Variants in MEI4 observed in about 807,000 individuals in gnomAD.
MEI4 encodes the protein meiotic double-stranded break formation protein 4.
Under a neutral mutation model 31.4 loss-of-function variants are expected in MEI4, and 27 were observed. The observed-to-expected ratio is 0.86, with a 90% confidence interval of 0.63 to 1.19. MEI4 has a LOEUF of 1.19. Ranked by LOEUF, MEI4 falls within the 50% of genes most tolerant of loss-of-function variation. The pLI is 0.00. For synonymous variants in MEI4, 122 were observed against 145.4 expected (o/e 0.84, Z 1.16); for missense variants, 329 against 398.9 (o/e 0.82, Z 1.49).
At chr6:77,871,521 A>G (rs945900550) in intron 4 of MEI4, among the ~76,000 whole-genome samples, 1 of 152,084 alleles carries the variant, frequency 6.6e-6, no homozygotes, top group Admixed American at 6.6e-5. Flanking sequence ...TACAGATGGG[A>G]ATAACAGACA....
At chr6:77,668,135 GATTTTGACAA>G (rs1174879650) in intron 1 of MEI4, among the ~76,000 whole-genome samples, 2 of 152,104 alleles carry the variant, frequency 1.3e-5, no homozygotes, top group Non-Finnish European at 2.9e-5. Flanking sequence ...ACTGCAGAGG[GATTTTGACAA>G]ATCAAGGACT....
chr6:77,747,301 G>T (rs1767637320), intron 2 of MEI4, among the ~76,000 whole-genome samples: 1 of 152,012 alleles, frequency 6.6e-6, no homozygotes, highest in Non-Finnish European at 1.5e-5. Flanking sequence ...AACAGAGCAA[G>T]ACTCAAGACT....
intron 4 of MEI4, among the ~76,000 whole-genome samples, chr6:77,849,648 T>C (rs12214317): frequency 0.29 from 44,697 of 152,106 alleles, 7,142 homozygotes; most frequent in South Asian, 0.38. Flanking sequence ...AAATAATTTT[T>C]TGAAGAAAAA....
At chr6:77,699,668 T>A (rs1294479769) in intron 2 of MEI4, among the ~76,000 whole-genome samples, 1 of 152,140 alleles carries the variant, frequency 6.6e-6, no homozygotes, top group Non-Finnish European at 1.5e-5. Flanking sequence ...CTTTTTGGAG[T>A]TTCCAGGTTT....
chr6:77,821,799 CAA>C (rs34905460), intron 3 of MEI4, among the ~76,000 whole-genome samples: 22,014 of 92,834 alleles, frequency 0.24, 2,471 homozygotes, highest in African/African-American at 0.43. Flanking sequence ...GCCATCTCTC[CAA>C]AAAAAAAAAA....
intron 2 of MEI4, among the ~76,000 whole-genome samples, chr6:77,742,779 TC>T (rs1361209848): frequency 3.9e-5 from 6 of 151,924 alleles, no homozygotes; most frequent in Non-Finnish European, 5.9e-5. Flanking sequence ...CTTTAAACCA[TC>T]TTGAATTAAT....
At chr6:77,831,789 T>C (rs1354991335) in intron 4 of MEI4, among the ~76,000 whole-genome samples, 1 of 151,756 alleles carries the variant, frequency 6.6e-6, no homozygotes, top group Non-Finnish European at 1.5e-5. Flanking sequence ...AGTACGAAAA[T>C]ACGGTTAGAT....
At chr6:77,823,130 C>T (rs1249056620) in intron 3 of MEI4, among the ~76,000 whole-genome samples, 1 of 151,942 alleles carries the variant, frequency 6.6e-6, no homozygotes, top group South Asian at 2.1e-4. Flanking sequence ...TAATCTCCTC[C>T]CTTACAGGGA....
chr6:77,663,760 G>T (rs947627296), intron 1 of MEI4, among the ~76,000 whole-genome samples: 1 of 152,100 alleles, frequency 6.6e-6, no homozygotes, highest in Non-Finnish European at 1.5e-5. Flanking sequence ...AGAGTTACCC[G>T]AAGCTCGGGG....
At chr6:77,745,625 A>C (rs1767576265) in intron 2 of MEI4, among the ~76,000 whole-genome samples, 1 of 152,200 alleles carries the variant, frequency 6.6e-6, no homozygotes, top group South Asian at 2.1e-4. Context: ...CAGACATAAT[A>C]GACATCTACA....
chr6:77,798,874 T>G (rs1582157188), intron 3 of MEI4, among the ~76,000 whole-genome samples: 1 of 151,934 alleles, frequency 6.6e-6, no homozygotes, highest in East Asian at 1.9e-4. Context: ...TGCCAAATTT[T>G]CTTAATCCAG....
In MEI4 at chr6:77,736,767, C is replaced by T. The variant is rs543422473; in HGVS notation, c.233-24363C>T. Among the ~76,000 whole-genome samples the T allele has an allele frequency of 1.5e-4, 23 of 152,164 alleles. 1 individual carries two copies. The highest frequency in any genetic ancestry group is 5.3e-4 in the African/African-American group (22 of 41,440). On this transcript the variant is annotated intron_variant, in intron 2 of 4. Coordinates refer to ENST00000684080, the MANE Select transcript of MEI4 (RefSeq NM_001322247.2). ...CAGTCTAGTGAGGGTAAGATTACAT[C>T]ATTAATTGTACCCAATGAGACCCTG...
chr6:77,883,113 C>G (rs890725207), intron 4 of MEI4, among the ~76,000 whole-genome samples: 15 of 151,876 alleles, frequency 9.9e-5, no homozygotes, highest in African/African-American at 3.6e-4. Context: ...TCTCAGAATA[C>G]ATGGTATTAG....
At chr6:77,895,953 C>T (rs1210280508) in intron 4 of MEI4, among the ~76,000 whole-genome samples, 1 of 152,100 alleles carries the variant, frequency 6.6e-6, no homozygotes, top group Non-Finnish European at 1.5e-5. Context: ...TTGTTAAGAA[C>T]TGCTGTGATG....
At chr6:77,803,541 A>G (rs1371324667) in intron 3 of MEI4, among the ~76,000 whole-genome samples, 2 of 152,188 alleles carry the variant, frequency 1.3e-5, no homozygotes, top group Non-Finnish European at 2.9e-5. Context: ...GGTGGAGAAG[A>G]GGCACTCTGA....
chr6:77,873,033 A>G (rs529980217), intron 4 of MEI4, among the ~76,000 whole-genome samples: 4 of 151,916 alleles, frequency 2.6e-5, no homozygotes, highest in African/African-American at 7.3e-5. Context: ...TAGTGCTGCA[A>G]TAAACATACG....
chr6:77,817,772 A>G (rs1769722144), intron 3 of MEI4, among the ~76,000 whole-genome samples: 1 of 151,882 alleles, frequency 6.6e-6, no homozygotes. Context: ...CTTTTCTTCC[A>G]TATATAGGAC....
rs34181852 is a variant in MEI4, at chr6:77,755,825, G to GGTGTGTGTGTGTGT, written c.233-5288_233-5275dup. On this transcript the variant is annotated intron_variant, in intron 2 of 4. Transcript: ENST00000684080. Reference sequence around the variant, plus strand: ...AATATGTGTCAAATTGTGCTGGAATGGTGTGTGTGTGTGTGTGTGTGTGTG... The same window carrying GGTGTGTGTGTGTGT: ...AATATGTGTCAAATTGTGCTGGAATGGTGTGTGTGTGTGTGTGTGTGTGTGTGTGTGTGTGTGTG... Among the ~76,000 whole-genome samples the GGTGTGTGTGTGTGT allele has an allele frequency of 6.9e-3, 998 of 145,250 alleles. 10 individuals are homozygous for GGTGTGTGTGTGTGT. The highest frequency in any genetic ancestry group is 0.023 in the African/African-American group (928 of 39,768).
intron 3 of MEI4, among the ~76,000 whole-genome samples, chr6:77,767,721 G>A (rs900800727): frequency 2.1e-5 from 3 of 146,312 alleles, no homozygotes; most frequent in African/African-American, 7.9e-5. Flanking sequence ...ACACACACAC[G>A]GAAAAATCTG....
Sources: allele counts gnomAD v4.1 joint callset (sites outside exome capture counted in the v4.1 genomes callset), GRCh38; gene constraint gnomAD v4.1.1; transcripts MANE v1.5; gene names NCBI Gene and HGNC (gene_info 2026-07-23, HGNC 2026-07-21).